Variants in TRPM7 observed in about 807,000 individuals in gnomAD.
TRPM7 encodes LTRPC ion channel family member 7.
In TRPM7, 134 loss-of-function variants were observed where a neutral mutation model predicts 229.7. That is an observed-to-expected ratio of 0.58 (90% CI 0.51 to 0.67). TRPM7 has a LOEUF of 0.67. Among genes scored for constraint, TRPM7 ranks in the 30% least tolerant of loss-of-function variants. The pLI is 0.00. For synonymous variants in TRPM7, 699 were observed against 715.2 expected, an observed-to-expected ratio of 0.98 and a Z score of 0.36; for missense variants, 1,901 against 2,210.0, an observed-to-expected ratio of 0.86 and a Z score of 2.80.
In TRPM7 at chr15:50,592,329, A is replaced by G. The variant is rs2059526114; in HGVS notation, c.3906T>C (p.Leu1302=). The change falls in exon 26 of 39, where the codon CTT becomes CTC. Residue 1302 remains leucine, a synonymous_variant. Coordinates refer to ENST00000646667, the MANE Select transcript of TRPM7 (RefSeq NM_017672.6). ...HGVVNTLSSS[L]PQGDLESNNP... ...TATTACTTTCAAGATCACCTTGAGG[A>G]AGAGAGGAGCTAAGTGTATTTACAA... The G allele has an allele frequency of 4.3e-6, 7 of 1,614,028 alleles. No homozygotes were observed. Among genetic ancestry groups the G allele is most frequent in the Non-Finnish European group, 5.9e-6 (7 of 1,179,928 alleles).
chr15:50,627,930 A>G (rs2060615675), intron 11 of TRPM7, among the ~76,000 whole-genome samples: 1 of 152,212 alleles, frequency 6.6e-6, no homozygotes, highest in Admixed American at 6.5e-5. Context: ...CAGTTCTAAG[A>G]TTCTTAGAGA....
intron 19 of TRPM7, among the ~76,000 whole-genome samples, 154 bp downstream of exon 19, chr15:50,609,427 T>C (rs11635167): frequency 0.08 from 12,199 of 152,210 alleles, 808 homozygotes; most frequent in African/African-American, 0.18. Flanking sequence ...ATGATGACAA[T>C]TTAAATGAAA....
chr15:50,593,543 G>A, intron 25 of TRPM7, 74 bp downstream of exon 25: 2 of 1,430,684 alleles, frequency 1.4e-6, no homozygotes, highest in Admixed American at 2.1e-5. Flanking sequence ...ATTTAACAAT[G>A]ACCATGTATA....
At chr15:50,675,974 G>A (rs1035673580) in intron 1 of TRPM7, among the ~76,000 whole-genome samples, 1 of 152,102 alleles carries the variant, frequency 6.6e-6, no homozygotes, top group Non-Finnish European at 1.5e-5. Context: ...TTCCTTACCT[G>A]TAAAATAGGA....
At chr15:50,666,538 T>A (rs1456668783) in intron 1 of TRPM7, among the ~76,000 whole-genome samples, 1 of 151,832 alleles carries the variant, frequency 6.6e-6, no homozygotes, top group Non-Finnish European at 1.5e-5. Flanking sequence ...GTGCAGTGGC[T>A]TATACCTGTA....
chr15:50,628,141 T>C lies in TRPM7; in HGVS notation c.1305+8A>G. The C allele has an allele frequency of 1.3e-6, 2 of 1,571,234 alleles. No homozygotes were observed. The highest frequency in any genetic ancestry group is 1.7e-6 in the Non-Finnish European group (2 of 1,143,628). The stretch of plus-strand genomic sequence containing the variant: ...TAATTGTATTGTGTATGTAGATTAT[T>C]TACATACCAGCCACTGCTGTCCATA... On this transcript the variant is annotated splice_region_variant and intron_variant, in intron 11 of 38. Transcript: ENST00000646667.
intron 2 of TRPM7, among the ~76,000 whole-genome samples, chr15:50,660,215 G>A (rs1171013822): frequency 6.6e-6 from 1 of 152,116 alleles, no homozygotes; most frequent in East Asian, 1.9e-4. Context: ...TGGAAGAGAT[G>A]TTAAGGTTAT....
intron 10 of TRPM7, among the ~76,000 whole-genome samples, chr15:50,628,509 C>T (rs1323093749): frequency 6.6e-6 from 1 of 152,064 alleles, no homozygotes; most frequent in Non-Finnish European, 1.5e-5. Flanking sequence ...TCTCACTCTG[C>T]TGACCAGGCT....
intron 22 of TRPM7, among the ~76,000 whole-genome samples, chr15:50,597,016 G>A (rs1442852194): frequency 6.6e-6 from 1 of 152,206 alleles, no homozygotes; most frequent in Non-Finnish European, 1.5e-5. Context: ...CCAAAGTGCT[G>A]GGATTATACG....
At chr15:50,578,270 G>C (rs1442909733) in intron 31 of TRPM7, among the ~76,000 whole-genome samples, 5 of 152,172 alleles carry the variant, frequency 3.3e-5, no homozygotes, top group Non-Finnish European at 7.4e-5. Context: ...ATGGATTTTA[G>C]AGACATGTAG....
At chr15:50,683,370 A>T (rs895697221) in intron 1 of TRPM7, among the ~76,000 whole-genome samples, 1 of 152,098 alleles carries the variant, frequency 6.6e-6, no homozygotes, top group Non-Finnish European at 1.5e-5. Context: ...TGAATAACAT[A>T]TGGGGAACTT....
At chr15:50,643,642 G>C in intron 4 of TRPM7, 89 bp from the exon 5 acceptor site, 1 of 944,270 alleles carries the variant, frequency 1.1e-6, no homozygotes. Context: ...AATTTTATAT[G>C]AATCAGATTA....
intron 20 of TRPM7, 72 bp downstream of exon 20, chr15:50,607,128 C>G (rs754137546): frequency 3.2e-5 from 47 of 1,450,294 alleles, no homozygotes; most frequent in Non-Finnish European, 4.3e-5. Flanking sequence ...ACGTATACAC[C>G]CAAAACAAAA....
intron 3 of TRPM7, among the ~76,000 whole-genome samples, chr15:50,651,438 G>T (rs11632447): frequency 0.08 from 12,124 of 152,082 alleles, 789 homozygotes; most frequent in African/African-American, 0.18. Context: ...GAGGTCAGGA[G>T]ATCGAGACCA....
chr15:50,596,248 T>A lies in TRPM7; in HGVS notation c.3290+7A>T, dbSNP rs1187603737. 8 of 1,487,152 alleles carry A rather than the reference T, an allele frequency of 5.4e-6. No homozygotes were observed. Among genetic ancestry groups the A allele is most frequent in the Non-Finnish European group, 7.2e-6 (8 of 1,107,592 alleles). 92.1% of individuals were successfully genotyped at this position (1,487,152 alleles called of 1,614,324 possible). On this transcript the variant is annotated splice_region_variant and intron_variant, in intron 23 of 38. Transcript: ENST00000646667. ...TCTTATAACAAACAATTGAACAAAA[T>A]TCTTACTTGAAAAATGCAATAAGAA...
rs147578012 is a variant in TRPM7, at chr15:50,580,924, A to AACAC, written c.4558-20_4558-17dup. On this transcript the variant is annotated splice_polypyrimidine_tract_variant and intron_variant, in intron 29 of 38. Transcript: ENST00000646667. ...GTAACCAATCCTTCAGTAAAAAAAA[A>AACAC]ACACACACACACAAAAACCTTAAAG... 1.0e-4 allele frequency: 159 copies of AACAC among 1,570,722 alleles called. No individual in the cohort carries two copies. The highest frequency in any genetic ancestry group is 4.3e-4 in the South Asian group (36 of 83,214).
chr15:50,658,726 A>G (rs377230617), intron 2 of TRPM7, among the ~76,000 whole-genome samples: 13 of 152,260 alleles, frequency 8.5e-5, no homozygotes, highest in African/African-American at 2.9e-4. Context: ...TTCCAGTTCT[A>G]AAAGCATAGG....
chr15:50,605,236 C>A (rs2059890407), intron 20 of TRPM7, 92 bp from the exon 21 acceptor site: 2 of 1,077,466 alleles, frequency 1.9e-6, no homozygotes, highest in Non-Finnish European at 2.6e-6. Context: ...AGTAGAATTT[C>A]ACATAGCTTT....
chr15:50,647,006 C>T (rs1298370188), intron 4 of TRPM7, among the ~76,000 whole-genome samples: 1 of 152,246 alleles, frequency 6.6e-6, no homozygotes, highest in Non-Finnish European at 1.5e-5. Context: ...TCTGAATACA[C>T]TCTACGGTGT....
Sources: allele counts gnomAD v4.1 joint callset (sites outside exome capture counted in the v4.1 genomes callset), GRCh38; gene constraint gnomAD v4.1.1; transcripts MANE v1.5; gene names NCBI Gene and HGNC (gene_info 2026-07-23, HGNC 2026-07-21).